CNTN4: variants seen among roughly 807,000 people sequenced by gnomAD.
CNTN4 encodes the protein contactin-4.
A neutral mutation model predicts 122.5 loss-of-function variants in CNTN4; 77 were observed. The ratio of observed to expected loss-of-function variants is 0.63; its 90% CI spans 0.52 to 0.76. The LOEUF is 0.76. Ranked by LOEUF, CNTN4 falls within the 30% of genes least tolerant of loss-of-function variation. The pLI, the probability that CNTN4 is intolerant of heterozygous loss-of-function variation, is 0.00. For missense variants in CNTN4, 1,256 were observed against 1,259.1 expected (o/e 1.00, Z 0.04); for synonymous variants, 512 against 447.0 (o/e 1.15, Z -1.83).
chr3:2,920,912 G>A (rs6779224), intron 12 of CNTN4, among the ~76,000 whole-genome samples: 86,175 of 152,016 alleles, frequency 0.57, 24,447 homozygotes, highest in East Asian at 0.69. Flanking sequence ...GAATTAGACC[G>A]AAACAATAGA....
intron 12 of CNTN4, among the ~76,000 whole-genome samples, chr3:2,923,977 C>G (rs2094451146): frequency 6.6e-6 from 1 of 152,060 alleles, no homozygotes; most frequent in Non-Finnish European, 1.5e-5. Context: ...TACTTGCACT[C>G]TACTTATTAA....
intron 12 of CNTN4, among the ~76,000 whole-genome samples, chr3:2,914,483 A>C (rs2094333893): frequency 6.6e-6 from 1 of 152,224 alleles, no homozygotes; most frequent in Non-Finnish European, 1.5e-5. Flanking sequence ...CAGAAATAAA[A>C]AGAGTATAAA....
chr3:2,549,984 C>T (rs1175742878), intron 3 of CNTN4, among the ~76,000 whole-genome samples: 1 of 152,030 alleles, frequency 6.6e-6, no homozygotes, highest in Admixed American at 6.6e-5. Context: ...AGTTTATTTG[C>T]GTAGAGGTGT....
At chr3:2,231,556 C>T (rs2039488753) in intron 2 of CNTN4, among the ~76,000 whole-genome samples, 1 of 152,196 alleles carries the variant, frequency 6.6e-6, no homozygotes, top group South Asian at 2.1e-4. Flanking sequence ...ATAAACATGA[C>T]TCCAGTGATT....
At chr3:2,986,860 A>G (rs1467480936) in intron 13 of CNTN4, among the ~76,000 whole-genome samples, 1 of 152,220 alleles carries the variant, frequency 6.6e-6, no homozygotes, top group African/African-American at 2.4e-5. Context: ...CAGGAGGTTC[A>G]GTCGTAAGAC....
At chr3:2,247,001 G>A (rs991484182) in intron 2 of CNTN4, among the ~76,000 whole-genome samples, 6 of 152,046 alleles carry the variant, frequency 3.9e-5, no homozygotes, top group Non-Finnish European at 5.9e-5. Context: ...GCAACTGGAG[G>A]AGGTTGGTTA....
chr3:2,463,921 C>T (rs1559575901), intron 3 of CNTN4, among the ~76,000 whole-genome samples: 2 of 152,048 alleles, frequency 1.3e-5, no homozygotes, highest in African/African-American at 4.8e-5. Flanking sequence ...ATTCTTATGA[C>T]CTAGAACCAG....
intron 4 of CNTN4, among the ~76,000 whole-genome samples, chr3:2,606,629 G>C (rs1231929487): frequency 6.6e-6 from 1 of 152,132 alleles, no homozygotes; most frequent in Non-Finnish European, 1.5e-5. Flanking sequence ...ACAATAAGTT[G>C]ACATTAGTTT....
intron 10 of CNTN4, 33 bp from the exon 11 acceptor site, chr3:2,900,652 A>G: frequency 1.2e-6 from 2 of 1,610,206 alleles, no homozygotes; most frequent in Non-Finnish European, 1.7e-6. Flanking sequence ...CACACTGAAT[A>G]TACACCTTTC....
At chr3:2,503,559 T>C (rs1216934310) in intron 3 of CNTN4, among the ~76,000 whole-genome samples, 1 of 152,124 alleles carries the variant, frequency 6.6e-6, no homozygotes, top group Non-Finnish European at 1.5e-5. Context: ...TACAGAAAGT[T>C]GGGCATAGAG....
At chr3:2,827,305 G>T (rs536650283) in intron 7 of CNTN4, among the ~76,000 whole-genome samples, 32 of 152,254 alleles carry the variant, frequency 2.1e-4, no homozygotes, top group African/African-American at 6.5e-4. Context: ...CAACCAAATT[G>T]AATTCATCTT....
At chr3:2,743,763 C>T (rs1243381477) in intron 5 of CNTN4, among the ~76,000 whole-genome samples, 1 of 152,122 alleles carries the variant, frequency 6.6e-6, no homozygotes, top group East Asian at 1.9e-4. Context: ...CATAAAGGAG[C>T]ATGGACAATT....
Position 2,551,130 on chromosome 3 carries a change from C to T in CNTN4, c.-88-20286C>T, listed in dbSNP as rs2078486489. 2.6e-5 allele frequency among the ~76,000 whole-genome samples: 4 copies of T among 152,074 alleles called. No individual in the cohort carries two copies. The South Asian group carries it at 8.3e-4, about 32-fold the overall frequency. On this transcript the variant is annotated intron_variant, in intron 3 of 24. Transcript: ENST00000418658. ...AAAAAAATGCCAGGCGTAAAGCAAG[C>T]AGAATCTGTCAGCTCCCTTTCATTT...
chr3:2,189,692 A>T (rs1254766497), intron 2 of CNTN4, among the ~76,000 whole-genome samples: 2 of 151,832 alleles, frequency 1.3e-5, no homozygotes, highest in Non-Finnish European at 2.9e-5. Context: ...GCTCTTCATT[A>T]TTCATGAAAA....
At chr3:2,239,348 C>T (rs1022719493) in intron 2 of CNTN4, among the ~76,000 whole-genome samples, 1 of 152,120 alleles carries the variant, frequency 6.6e-6, no homozygotes, top group Non-Finnish European at 1.5e-5. Context: ...AACATTGAGT[C>T]CTAACTCTGC....
chr3:2,513,291 C>T (rs1027137482), intron 3 of CNTN4, among the ~76,000 whole-genome samples: 6 of 152,124 alleles, frequency 3.9e-5, no homozygotes, highest in African/African-American at 1.4e-4. Context: ...CTGGTGAACC[C>T]TTAGCTATAT....
chr3:2,360,726 G>T (rs2045098581), intron 3 of CNTN4, among the ~76,000 whole-genome samples: 1 of 152,234 alleles, frequency 6.6e-6, no homozygotes, highest in East Asian at 1.9e-4. Context: ...AAAACCATTA[G>T]ATCTCGTGAG....
intron 4 of CNTN4, among the ~76,000 whole-genome samples, chr3:2,705,804 TATA>T (rs1202378151): frequency 9.4e-6 from 1 of 106,840 alleles, no homozygotes; most frequent in Admixed American, 1.3e-4. Context: ...ATTTGTTATA[TATA>T]ATATATATAA....
At chr3:2,756,464 A>G (rs1002785739) in intron 6 of CNTN4, among the ~76,000 whole-genome samples, 2 of 152,336 alleles carry the variant, frequency 1.3e-5, no homozygotes, top group Admixed American at 1.3e-4. Context: ...TGGACTTCCC[A>G]GCCTCCAGAA....
Sources: gnomAD v4.1 joint callset for allele counts (sites outside exome capture counted in the v4.1 genomes callset) on GRCh38, gnomAD v4.1.1 for gene constraint, MANE v1.5 for transcripts, NCBI Gene and HGNC (gene_info 2026-07-23, HGNC 2026-07-21) for gene names.